Variants in GRAMD2B observed in about 807,000 individuals in gnomAD.
GRAMD2B encodes the protein GRAM domain containing 2B.
GRAMD2B carries 41 observed loss-of-function variants against 59.2 expected under a neutral mutation model. The observed-to-expected ratio is 0.69, with a 90% CI of 0.54 to 0.90. The LOEUF (loss-of-function observed/expected upper bound fraction) is 0.90. Among genes scored for constraint, GRAMD2B ranks in the 40% least tolerant of loss-of-function variants. The pLI is 0.00. For synonymous variants in GRAMD2B, 161 were observed against 182.7 expected (o/e 0.88, Z 0.96); for missense variants, 424 against 500.5 (o/e 0.85, Z 1.46).
In GRAMD2B at chr5:126,464,128, C is replaced by T. The variant is rs552809936; in HGVS notation, c.84-1298C>T. ...ATTCTGACACTACAATAGGACTCCT[C>T]GCCTAGGCTGCAATTTTCATATGCT... On this transcript the variant is annotated intron_variant, in intron 1 of 13. Coordinates refer to ENST00000285689, the MANE Select transcript of GRAMD2B (RefSeq NM_023927.4). Among the ~76,000 whole-genome samples the T allele has an allele frequency of 2.0e-5, 3 of 152,144 alleles. 1 individual carries two copies. The highest frequency in any genetic ancestry group is 2.1e-4 in the South Asian group (1 of 4,828).
intron 1 of GRAMD2B, among the ~76,000 whole-genome samples, chr5:126,376,976 C>T (rs1025456190): frequency 2.6e-5 from 4 of 151,770 alleles, no homozygotes; most frequent in African/African-American, 9.7e-5. Flanking sequence ...GAGGACTAGG[C>T]TCTCTTAGGA....
intron 1 of GRAMD2B, among the ~76,000 whole-genome samples, chr5:126,454,350 A>G (rs1765894760): frequency 6.6e-6 from 1 of 152,196 alleles, no homozygotes; most frequent in African/African-American, 2.4e-5. Flanking sequence ...CCTAGAGATC[A>G]TTGCTGTGCG....
chr5:126,472,681 T>A (rs1769844783), intron 4 of GRAMD2B, among the ~76,000 whole-genome samples: 1 of 152,168 alleles, frequency 6.6e-6, no homozygotes, highest in African/African-American at 2.4e-5. Context: ...TGGACAGACA[T>A]GTGCTGATGC....
intron 1 of GRAMD2B, among the ~76,000 whole-genome samples, chr5:126,362,217 G>A (rs981761780): frequency 3.9e-5 from 6 of 151,990 alleles, no homozygotes; most frequent in Non-Finnish European, 5.9e-5. Flanking sequence ...TTTTTTGATC[G>A]GGCAGCATCA....
At chr5:126,454,284 C>T (rs1192732739) in intron 1 of GRAMD2B, among the ~76,000 whole-genome samples, 2 of 152,028 alleles carry the variant, frequency 1.3e-5, no homozygotes, top group Admixed American at 6.6e-5. Flanking sequence ...TAATGGAGGC[C>T]GTGTCTCAGG....
intron 1 of GRAMD2B, among the ~76,000 whole-genome samples, chr5:126,362,339 T>C (rs1754257879): frequency 6.6e-6 from 1 of 152,208 alleles, no homozygotes; most frequent in Admixed American, 6.5e-5. Flanking sequence ...GCAACATAGA[T>C]ACAAACTATT....
intron 1 of GRAMD2B, among the ~76,000 whole-genome samples, chr5:126,436,849 A>G (rs1336909772): frequency 6.6e-6 from 1 of 152,202 alleles, no homozygotes; most frequent in African/African-American, 2.4e-5. Context: ...TGAAGGAGGA[A>G]TAGGAGTCAG....
intron 1 of GRAMD2B, among the ~76,000 whole-genome samples, chr5:126,396,020 G>A (rs1467472207): frequency 6.6e-6 from 1 of 152,156 alleles, no homozygotes; most frequent in Admixed American, 6.5e-5. Context: ...TACCAGCAGT[G>A]TAAAAGGGTT....
At chr5:126,408,111 G>A (rs562646139) in intron 1 of GRAMD2B, among the ~76,000 whole-genome samples, 3 of 151,876 alleles carry the variant, frequency 2.0e-5, no homozygotes, top group African/African-American at 7.2e-5. Flanking sequence ...CTCCTTCCCT[G>A]CTCTATTAGT....
intron 1 of GRAMD2B, chr5:126,462,581 A>G (rs6862440): frequency 0.024 from 6,402 of 263,312 alleles, 457 homozygotes; most frequent in African/African-American, 0.14. Context: ...TACATAATTA[A>G]TCCATATCAT....
intron 2 of GRAMD2B, among the ~76,000 whole-genome samples, chr5:126,467,952 G>T (rs1014756389): frequency 2.0e-5 from 3 of 152,098 alleles, no homozygotes; most frequent in African/African-American, 7.2e-5. Flanking sequence ...AGTCCTTTCT[G>T]TTTCTCTGTG....
At position 126,469,692 on chromosome 5, in the gene GRAMD2B, T is replaced by C. The variant is rs1769180100; in HGVS notation, c.219T>C (p.Phe73=). Residue 73 remains phenylalanine (F), a synonymous_variant, in exon 3 of 14, where the codon TTT becomes TTC. Coordinates refer to ENST00000285689, the MANE Select transcript of GRAMD2B (RefSeq NM_023927.4). The part of the protein sequence containing the change: ...KIISLWSKSS[F]DGASLASDKN... ...CTTTCTTTAGGTCAAAATCCAGTTTTGATGGTGCCTCTTTAGCAAGTGATA... is the reference window on the plus strand; with the variant it reads ...CTTTCTTTAGGTCAAAATCCAGTTTCGATGGTGCCTCTTTAGCAAGTGATA... The C allele has an allele frequency of 5.6e-6, 9 of 1,613,264 alleles. No homozygotes were observed. The highest frequency in any genetic ancestry group is 7.6e-6 in the Non-Finnish European group (9 of 1,179,276).
chr5:126,417,604 C>A (rs1228514033), intron 1 of GRAMD2B, among the ~76,000 whole-genome samples: 2 of 152,168 alleles, frequency 1.3e-5, no homozygotes, highest in Non-Finnish European at 2.9e-5. Flanking sequence ...ATCCACAGAA[C>A]CATGAGAGGT....
intron 1 of GRAMD2B, among the ~76,000 whole-genome samples, chr5:126,462,121 G>A (rs1767487471): frequency 6.6e-6 from 1 of 152,196 alleles, no homozygotes; most frequent in Non-Finnish European, 1.5e-5. Context: ...TGTTGAAAAA[G>A]GAGGATTGGT....
chr5:126,418,437 C>G (rs532392328), upstream of GRAMD2B, among the ~76,000 whole-genome samples: 1 of 152,330 alleles, frequency 6.6e-6, no homozygotes, highest in African/African-American at 2.4e-5. Context: ...CCTCTGGCCC[C>G]TGGACCAGTA....
chr5:126,366,710 C>G (rs891157980), upstream of GRAMD2B, among the ~76,000 whole-genome samples: 8 of 152,108 alleles, frequency 5.3e-5, no homozygotes, highest in Non-Finnish European at 1.0e-4. Flanking sequence ...CACTCTAAAC[C>G]ATGAAATCAA....
At chr5:126,412,311 A>G (rs1195674163) in intron 1 of GRAMD2B, among the ~76,000 whole-genome samples, 2 of 152,078 alleles carry the variant, frequency 1.3e-5, no homozygotes, top group African/African-American at 4.8e-5. Context: ...AAGAGTTTTT[A>G]TCATGAAAGA....
intron 1 of GRAMD2B, among the ~76,000 whole-genome samples, chr5:126,411,048 C>T (rs1361858532): frequency 6.6e-6 from 1 of 151,940 alleles, no homozygotes; most frequent in African/African-American, 2.4e-5. Flanking sequence ...CATTTTCTCC[C>T]ATTCTGTAAG....
chr5:126,435,367 C>A (rs912396658), intron 1 of GRAMD2B, among the ~76,000 whole-genome samples: 3 of 152,094 alleles, frequency 2.0e-5, no homozygotes, highest in Admixed American at 2.0e-4. Context: ...TTATTTCAGG[C>A]AGAGGGAAGA....
Sources: allele counts gnomAD v4.1 joint callset (sites outside exome capture counted in the v4.1 genomes callset), GRCh38; gene constraint gnomAD v4.1.1; transcripts MANE v1.5; gene names NCBI Gene and HGNC (gene_info 2026-07-23, HGNC 2026-07-21).